The following FAT3 variants were observed in gnomAD, a reference collection of about 807,000 sequenced individuals.
FAT3 encodes the protein protocadherin Fat 3.
FAT3 carries 95 observed loss-of-function variants against 310.2 expected under a neutral mutation model. The observed-to-expected ratio is 0.31, with a 90% CI of 0.26 to 0.36. FAT3 has a LOEUF of 0.36. FAT3 is among the 10% of genes least tolerant of loss of function. The pLI is 1.00. For synonymous variants in FAT3, 2,314 were observed against 2,192.9 expected, an observed-to-expected ratio of 1.06 and a Z score of -1.54; for missense variants, 5,408 against 5,715.6, an observed-to-expected ratio of 0.95 and a Z score of 1.74.
At chr11:92,862,273 T>C (rs56065812) in intron 21 of FAT3, among the ~76,000 whole-genome samples, 10,867 of 152,168 alleles carry the variant, frequency 0.071, 1,305 homozygotes, top group African/African-American at 0.25. Context: ...TCAGATAGGC[T>C]CTGTGACTTT....
intron 7 of FAT3, among the ~76,000 whole-genome samples, chr11:92,788,209 C>T (rs1320339759): frequency 2.0e-5 from 3 of 152,064 alleles, no homozygotes; most frequent in Admixed American, 6.6e-5. Flanking sequence ...AGAGTTATGT[C>T]AAAAGATGTC....
chr11:92,348,778 T>C (rs1948482953), intron 1 of FAT3, among the ~76,000 whole-genome samples: 2 of 152,196 alleles, frequency 1.3e-5, no homozygotes, highest in Non-Finnish European at 2.9e-5. Flanking sequence ...GAACAGATGA[T>C]CTTTAAGGCT....
chr11:92,786,421 A>T (rs954626534), intron 7 of FAT3, among the ~76,000 whole-genome samples: 1 of 152,138 alleles, frequency 6.6e-6, no homozygotes, highest in African/African-American at 2.4e-5. Context: ...AGGCCATCTA[A>T]CCTATAGAAG....
intron 9 of FAT3, among the ~76,000 whole-genome samples, chr11:92,793,717 C>A (rs1303036939): frequency 6.6e-6 from 1 of 152,160 alleles, no homozygotes; most frequent in Non-Finnish European, 1.5e-5. Context: ...CCCATTCCAT[C>A]TTTTTTGAAT....
chr11:92,409,718 T>C (rs1010530752), intron 2 of FAT3, among the ~76,000 whole-genome samples: 1 of 152,178 alleles, frequency 6.6e-6, no homozygotes, highest in African/African-American at 2.4e-5. Flanking sequence ...TTCCATAAGA[T>C]AATGACCATA....
At position 92,883,494 on chromosome 11, in the gene FAT3, G is replaced by T. The variant is rs1591853295; in HGVS notation, c.12937+101G>T. On this transcript the variant is annotated intron_variant, in intron 24 of 27. Transcript: ENST00000525166. The surrounding 1 kb of genome is among the most constrained non-coding windows in gnomAD (Gnocchi z 4.2). ...GGAAGGGAGAGAGACCCCGCATGCA[G>T]AGCATTCGCTATGACATGTGCTGAT... 6 of 1,408,848 alleles carry T rather than the reference G, an allele frequency of 4.3e-6. No individual in the cohort carries two copies. The East Asian group carries it at 1.5e-4, about 34-fold the overall frequency. 87.3% of individuals were successfully genotyped at this position (1,408,848 alleles called of 1,614,324 possible).
chr11:92,232,941 C>G (rs1471767183), intron 1 of FAT3, among the ~76,000 whole-genome samples: 1 of 152,178 alleles, frequency 6.6e-6, no homozygotes, highest in African/African-American at 2.4e-5. Flanking sequence ...CTACATCTCT[C>G]TCAGTTTTTC....
At chr11:92,360,641 TAAAG>T (rs1948855931) in intron 2 of FAT3, among the ~76,000 whole-genome samples, 1 of 152,224 alleles carries the variant, frequency 6.6e-6, no homozygotes, top group African/African-American at 2.4e-5. Context: ...TCTGGTTAAT[TAAAG>T]AAATATTTAA....
chr11:92,820,949 A>C (rs1947951660), intron 13 of FAT3, among the ~76,000 whole-genome samples: 1 of 152,298 alleles, frequency 6.6e-6, no homozygotes, highest in South Asian at 2.1e-4. Flanking sequence ...GCTCTTGTGC[A>C]GATCAATGGC....
chr11:92,678,835 T>C (rs1943374927), intron 3 of FAT3, among the ~76,000 whole-genome samples: 1 of 152,238 alleles, frequency 6.6e-6, no homozygotes, highest in South Asian at 2.1e-4. Context: ...ATGTGGTACA[T>C]GTGCAATTTT....
rs1947571578 is a variant in FAT3, at chr11:92,320,126, G to A, written c.-17-31970G>A. On this transcript the variant is annotated intron_variant, in intron 1 of 27. Coordinates refer to ENST00000525166, the MANE Select transcript of FAT3 (RefSeq NM_001367949.2). ...AAAACTCTGGCAGGTGAGAACTGGG[G>A]ATTTTCATTTATTAGGTTGGTGCAA... 3.9e-5 allele frequency among the ~76,000 whole-genome samples: 6 copies of A among 152,282 alleles called. No individual in the cohort carries two copies. The South Asian group carries it at 1.2e-3, about 32-fold the overall frequency.
At chr11:92,278,216 T>G (rs1946328827) in intron 1 of FAT3, among the ~76,000 whole-genome samples, 1 of 152,222 alleles carries the variant, frequency 6.6e-6, no homozygotes, top group Non-Finnish European at 1.5e-5. Flanking sequence ...AGTTACATGT[T>G]TAAGGTATGC....
intron 4 of FAT3, among the ~76,000 whole-genome samples, chr11:92,717,734 C>T (rs1475974225): frequency 1.3e-5 from 2 of 152,090 alleles, no homozygotes; most frequent in East Asian, 3.9e-4. Flanking sequence ...TCTTTCAGAG[C>T]CTAAGATATG....
chr11:92,238,375 C>T (rs1864523442), intron 1 of FAT3, among the ~76,000 whole-genome samples: 1 of 152,100 alleles, frequency 6.6e-6, no homozygotes, highest in South Asian at 2.1e-4. Context: ...AAAAGTTGCT[C>T]CCAGTATATA....
intron 2 of FAT3, among the ~76,000 whole-genome samples, chr11:92,478,274 T>C (rs529509497): frequency 6.6e-6 from 1 of 152,350 alleles, no homozygotes; most frequent in East Asian, 1.9e-4. Flanking sequence ...TTACTACGGA[T>C]GACAACATCA....
intron 13 of FAT3, among the ~76,000 whole-genome samples, chr11:92,820,457 A>C (rs942692520): frequency 1.3e-5 from 2 of 152,208 alleles, no homozygotes; most frequent in African/African-American, 2.4e-5. Flanking sequence ...TTAGGGCCTC[A>C]ACATATGAAT....
intron 4 of FAT3, among the ~76,000 whole-genome samples, chr11:92,749,325 C>T (rs1159511239): frequency 6.6e-6 from 1 of 152,062 alleles, no homozygotes; most frequent in Non-Finnish European, 1.5e-5. Flanking sequence ...CACACACATA[C>T]ACACACACAT....
intron 7 of FAT3, among the ~76,000 whole-genome samples, chr11:92,787,751 T>A (rs559032349): frequency 1.3e-5 from 2 of 151,312 alleles, no homozygotes; most frequent in Non-Finnish European, 2.9e-5. Context: ...TTTTTAATGA[T>A]CATAGTTATA....
intron 3 of FAT3, among the ~76,000 whole-genome samples, chr11:92,530,040 A>G (rs1954015174): frequency 6.6e-6 from 1 of 152,206 alleles, no homozygotes; most frequent in East Asian, 1.9e-4. Flanking sequence ...TACTCCTAGG[A>G]TAGACATTTC....
Sources: allele counts gnomAD v4.1 joint callset (sites outside exome capture counted in the v4.1 genomes callset), GRCh38; gene constraint gnomAD v4.1.1; non-coding constraint Gnocchi (gnomAD v3.1); transcripts MANE v1.5; gene names NCBI Gene and HGNC (gene_info 2026-07-23, HGNC 2026-07-21).